ZNF616: variants seen among roughly 807,000 people sequenced by gnomAD.
ZNF616 encodes zinc finger protein 616.
ZNF616 carries 5 observed loss-of-function variants against 7.6 expected under a neutral mutation model. The ratio of observed to expected loss-of-function variants is 0.66; its 90% CI spans 0.34 to 1.38. The LOEUF is 1.38. Ranked by LOEUF, ZNF616 falls within the 40% of genes most tolerant of loss-of-function variation. The pLI, the probability that ZNF616 is intolerant of heterozygous loss-of-function variation, is 0.04. For missense variants in ZNF616, 913 were observed against 948.3 expected (o/e 0.96, Z 0.49); for synonymous variants, 319 against 317.2 (o/e 1.01, Z -0.06).
chr19:52,124,580 C>T (rs1363848916), intron 2 of ZNF616, among the ~76,000 whole-genome samples: 3 of 152,158 alleles, frequency 2.0e-5, no homozygotes, highest in African/African-American at 7.2e-5. Context: ...CACAGACACG[C>T]TAACAAACTT....
At chr19:52,131,321 C>T (rs2088958805) in intron 1 of ZNF616, among the ~76,000 whole-genome samples, 1 of 148,434 alleles carries the variant, frequency 6.7e-6, no homozygotes, top group Admixed American at 6.7e-5. Context: ...ATTACGGAGG[C>T]TGGGCCCCAC....
intron 1 of ZNF616, among the ~76,000 whole-genome samples, chr19:52,138,279 G>T (rs1360579952): frequency 6.6e-6 from 1 of 152,178 alleles, no homozygotes; most frequent in Non-Finnish European, 1.5e-5. Context: ...TCAAGTCACT[G>T]CCCTGTGGCT....
At chr19:52,119,758 A>G (rs2088852485) in intron 3 of ZNF616, among the ~76,000 whole-genome samples, 2 of 152,208 alleles carry the variant, frequency 1.3e-5, no homozygotes, top group Non-Finnish European at 2.9e-5. Context: ...AGGACAAGGG[A>G]AAACAGTTAA....
chr19:52,118,392 A>G (rs976391693), intron 3 of ZNF616, among the ~76,000 whole-genome samples: 1 of 152,190 alleles, frequency 6.6e-6, no homozygotes, highest in African/African-American at 2.4e-5. Flanking sequence ...TACAGATACA[A>G]TGAAGGCTGC....
chr19:52,127,215 C>T (rs576065573), intron 2 of ZNF616, among the ~76,000 whole-genome samples: 59 of 152,212 alleles, frequency 3.9e-4, no homozygotes, highest in Non-Finnish European at 6.9e-4. Flanking sequence ...CCATCATGTC[C>T]GGCTAATATT....
chr19:52,127,558 A>G (rs1387907514), intron 2 of ZNF616, among the ~76,000 whole-genome samples: 1 of 152,272 alleles, frequency 6.6e-6, no homozygotes, highest in Non-Finnish European at 1.5e-5. Flanking sequence ...AATGTAAGCA[A>G]CAAAATATTA....
chr19:52,134,877 G>A (rs2088994239), intron 1 of ZNF616, among the ~76,000 whole-genome samples: 1 of 152,078 alleles, frequency 6.6e-6, no homozygotes, highest in Non-Finnish European at 1.5e-5. Context: ...TGAGTTTAAA[G>A]CATTTTGCCT....
intron 2 of ZNF616, among the ~76,000 whole-genome samples, chr19:52,128,961 G>T (rs1165380332): frequency 2.0e-5 from 3 of 149,366 alleles, no homozygotes; most frequent in African/African-American, 7.4e-5. Context: ...CATTTAGCAT[G>T]AATTTCATAT....
chr19:52,137,053 G>GTA (rs35226169), intron 1 of ZNF616, among the ~76,000 whole-genome samples: 4,836 of 143,626 alleles, frequency 0.034, 97 homozygotes, highest in Middle Eastern at 0.055. Context: ...TTATGTATGT[G>GTA]TATATATATA....
Position 52,115,135 on chromosome 19 carries a change from T to C in ZNF616, c.2029A>G (p.Thr677Ala), listed in dbSNP as rs1281780781. ...CCTGCATGAATTATCTGATGTGCAG[T>C]GAGGTTTGAGCTCCGTTTAAAGGTT... is the stretch of plus-strand genomic sequence containing the variant. Reference protein sequence around the residue: ...GKTFKRSSNLTAHQIIHAGKK... With the variant: ...GKTFKRSSNLAAHQIIHAGKK... Residue 677 changes from threonine to alanine, a missense_variant, in exon 4 of 4, where the codon ACT becomes GCT. Thr to Ala is a moderately conservative substitution (Grantham distance 58, BLOSUM62 0). Coordinates refer to ENST00000600228, the MANE Select transcript of ZNF616 (RefSeq NM_178523.5). The C allele has an allele frequency of 1.2e-6, 2 of 1,614,014 alleles. No homozygotes were observed. Among genetic ancestry groups the C allele is most frequent in the Non-Finnish European group, 1.7e-6 (2 of 1,179,952 alleles).
chr19:52,131,005 A>G lies in ZNF616; in HGVS notation c.-76-417T>C, dbSNP rs543287599. ...AACTTGGGGCTGGGAGCGGTGGCTC[A>G]TGCCTGTAATCCCAGCACTTTGGGA... is the stretch of plus-strand genomic sequence containing the variant. On this transcript the variant is annotated intron_variant, in intron 1 of 3. Coordinates refer to ENST00000600228, the MANE Select transcript of ZNF616 (RefSeq NM_178523.5). Among the ~76,000 whole-genome samples the G allele has an allele frequency of 2.0e-5, 3 of 152,332 alleles. No individual in the cohort carries two copies. In the South Asian group the frequency reaches 6.2e-4, roughly 32 times the overall value.
At position 52,120,457 on chromosome 19, in the gene ZNF616, C is replaced by G. The variant is rs557280889; in HGVS notation, c.140-3433G>C. ...TTCAGCAAAACAGCAAGAGTGAGTC[C>G]TTCTCTATCAGTAATTACATTAAGT... On this transcript the variant is annotated intron_variant, in intron 3 of 3. Coordinates refer to ENST00000600228, the MANE Select transcript of ZNF616 (RefSeq NM_178523.5). Among the ~76,000 whole-genome samples the G allele has an allele frequency of 5.9e-5, 9 of 152,216 alleles. No homozygotes were observed. The South Asian group carries it at 1.9e-3, about 32-fold the overall frequency.
At chr19:52,138,656 C>G (rs569342219) in intron 1 of ZNF616, 20 of 152,378 alleles carry the variant, frequency 1.3e-4, no homozygotes, top group African/African-American at 4.6e-4. Flanking sequence ...CCATTGTCCC[C>G]AGCCGCCACG....
intron 1 of ZNF616, among the ~76,000 whole-genome samples, chr19:52,134,752 C>T (rs2088993164): frequency 6.6e-6 from 1 of 152,108 alleles, no homozygotes; most frequent in Non-Finnish European, 1.5e-5. Context: ...TTCCTTTACA[C>T]CCTGCAATTA....
intron 2 of ZNF616, among the ~76,000 whole-genome samples, chr19:52,128,906 CT>C (rs80281618): frequency 1.3e-3 from 179 of 141,930 alleles, no homozygotes; most frequent in Middle Eastern, 3.8e-3. Context: ...CTCACAGTTA[CT>C]TTTTTTTTTT....
intron 3 of ZNF616, among the ~76,000 whole-genome samples, chr19:52,121,678 C>T (rs2088865249): frequency 6.6e-6 from 1 of 152,088 alleles, no homozygotes; most frequent in Non-Finnish European, 1.5e-5. Flanking sequence ...ACCAACTGAT[C>T]TTTGACAAAG....
chr19:52,130,417 C>T lies in ZNF616; in HGVS notation c.12+84G>A, dbSNP rs188233371. On this transcript the variant is annotated intron_variant, in intron 2 of 3. Transcript: ENST00000600228. Reference sequence around the variant, plus strand: ...CTTCAGACTCAGAGAAGATTTGCAACTCCGACGCCCTGTACTTCACAAAGG... The same window carrying T: ...CTTCAGACTCAGAGAAGATTTGCAATTCCGACGCCCTGTACTTCACAAAGG... 1.5e-5 allele frequency: 19 copies of T among 1,270,672 alleles called. No individual in the cohort carries two copies. In the Admixed American group the frequency reaches 2.7e-4, roughly 18 times the overall value. 78.7% of individuals were successfully genotyped at this position (1,270,672 alleles called of 1,614,324 possible).
At chr19:52,132,275 G>A (rs2088966933) in intron 1 of ZNF616, among the ~76,000 whole-genome samples, 1 of 152,144 alleles carries the variant, frequency 6.6e-6, no homozygotes, top group Admixed American at 6.6e-5. Context: ...GGGAGTTTAG[G>A]AAGTCACTTT....
At position 52,118,546 on chromosome 19, in the gene ZNF616, C is replaced by T. The variant is rs56371696; in HGVS notation, c.140-1522G>A. Among the ~76,000 whole-genome samples the T allele has an allele frequency of 9.3e-3, 1,413 of 152,092 alleles. 28 individuals are homozygous for T. Among genetic ancestry groups the T allele is most frequent in the African/African-American group, 0.032 (1,339 of 41,496 alleles). ...ACAGAAAGAGAAAGCCATGGTAAACCGGAAAAAGGGCCCATGCCATGCCAA... is the reference window on the plus strand; with the variant it reads ...ACAGAAAGAGAAAGCCATGGTAAACTGGAAAAAGGGCCCATGCCATGCCAA... On this transcript the variant is annotated intron_variant, in intron 3 of 3. Coordinates refer to ENST00000600228, the MANE Select transcript of ZNF616 (RefSeq NM_178523.5).
Sources: allele counts gnomAD v4.1 joint callset (sites outside exome capture counted in the v4.1 genomes callset), GRCh38; gene constraint gnomAD v4.1.1; transcripts MANE v1.5; gene names NCBI Gene and HGNC (gene_info 2026-07-23, HGNC 2026-07-21).